The following CLDN16 variants were observed in gnomAD, a reference collection of about 807,000 sequenced individuals.
The protein encoded by CLDN16 is claudin-16.
CLDN16 carries 13 observed loss-of-function variants against 24.6 expected under a neutral mutation model. The observed-to-expected ratio is 0.53, with a 90% CI of 0.34 to 0.84. The LOEUF is 0.84. Ranked by LOEUF, CLDN16 falls within the 40% of genes least tolerant of loss-of-function variation. CLDN16 has a pLI of 0.01. For synonymous variants in CLDN16, 116 were observed against 106.7 expected (o/e 1.09, Z -0.54); for missense variants, 298 against 292.7 (o/e 1.02, Z -0.13).
At chr3:190,380,359 T>A (rs1349827277) in intron 3 of CLDN16, among the ~76,000 whole-genome samples, 1 of 152,032 alleles carries the variant, frequency 6.6e-6, no homozygotes, top group African/African-American at 2.4e-5. Flanking sequence ...ACTATCCAGT[T>A]ACTGATTCTA....
chr3:190,387,342 A>G (rs1718527904), upstream of CLDN16, among the ~76,000 whole-genome samples: 1 of 144,418 alleles, frequency 6.9e-6, no homozygotes, highest in Non-Finnish European at 1.5e-5. Context: ...AAAGAAACAC[A>G]CTTTCTTCCT....
intron 1 of CLDN16, among the ~76,000 whole-genome samples, chr3:190,345,844 C>T (rs1158842767): frequency 2.0e-5 from 3 of 152,138 alleles, no homozygotes; most frequent in African/African-American, 7.2e-5. Context: ...CTCCTTTAAA[C>T]TAACAACTGT....
At chr3:190,349,577 G>T (rs1717627816) in intron 1 of CLDN16, among the ~76,000 whole-genome samples, 1 of 152,132 alleles carries the variant, frequency 6.6e-6, no homozygotes, top group African/African-American at 2.4e-5. Flanking sequence ...TTTTCTGTGT[G>T]ACTTCACTGT....
chr3:190,358,672 A>AAC (rs1560086983), intron 1 of CLDN16, among the ~76,000 whole-genome samples: 2 of 151,162 alleles, frequency 1.3e-5, no homozygotes, highest in East Asian at 1.9e-4. Context: ...AAATTAAAAA[A>AAC]AACAACAAGT....
At chr3:190,305,880 A>C in the CLDN16 span, 3 of 152,206 alleles carry the variant, frequency 2.0e-5, no homozygotes, top group Non-Finnish European at 4.4e-5. Context: ...TGGGCCATAA[A>C]ATTTTTTTGT....
At chr3:190,392,228 C>T (rs1718697755) in intron 1 of CLDN16, among the ~76,000 whole-genome samples, 1 of 151,976 alleles carries the variant, frequency 6.6e-6, no homozygotes. Context: ...TCCCTTCCTT[C>T]ATTCCAACTT....
chr3:190,322,584 G>C (rs1467893488), exon 1 of CLDN16: 1 of 309,988 alleles, frequency 3.2e-6, no homozygotes, highest in Non-Finnish European at 6.1e-6. Context: ...CGCGGCTGGC[G>C]GCGTGGGGAC....
rs775073665 is a variant in CLDN16 at position 190,388,410 on chromosome 3, C to T, written c.81C>T (p.Asp27=). Residue 27 remains aspartate (D), a synonymous_variant, in exon 1 of 5, where the codon GAC becomes GAT. Transcript: ENST00000264734. ...AGFLIVATWT[D]CWMVNADDSL... ...TTTTGATTGTGGCCACCTGGACTGA[C>T]TGTTGGATGGTGAATGCTGATGACT... 10 of 1,613,894 alleles carry T rather than the reference C, an allele frequency of 6.2e-6. No homozygotes were observed. The African/African-American group carries it at 9.3e-5, about 15-fold the overall frequency.
chr3:190,299,150 C>A, the CLDN16 span, among the ~76,000 whole-genome samples: 1 of 152,112 alleles, frequency 6.6e-6, no homozygotes, highest in South Asian at 2.1e-4. Flanking sequence ...TTTAAAATTA[C>A]ATTTTTCATT....
chr3:190,350,874 C>T (rs185216218), intron 1 of CLDN16, among the ~76,000 whole-genome samples: 9 of 152,272 alleles, frequency 5.9e-5, no homozygotes, highest in African/African-American at 1.7e-4. Flanking sequence ...TATAGACAAT[C>T]TTTCCTCGCA....
At chr3:190,332,596 A>C (rs951586914) in intron 1 of CLDN16, among the ~76,000 whole-genome samples, 1 of 152,314 alleles carries the variant, frequency 6.6e-6, no homozygotes, top group African/African-American at 2.4e-5. Context: ...AATTATCTCT[A>C]AGGTCTCCTC....
chr3:190,377,351 T>C (rs905255003), intron 3 of CLDN16, among the ~76,000 whole-genome samples: 1 of 151,860 alleles, frequency 6.6e-6, no homozygotes, highest in Non-Finnish European at 1.5e-5. Flanking sequence ...TTCACTTCTG[T>C]TTAAGTTCTT....
chr3:190,304,294 G>A, the CLDN16 span, among the ~76,000 whole-genome samples: 1 of 152,156 alleles, frequency 6.6e-6, no homozygotes, highest in African/African-American at 2.4e-5. Flanking sequence ...CGAGTGCTAT[G>A]TTTCAAGTTT....
chr3:190,308,918 T>C, the CLDN16 span, among the ~76,000 whole-genome samples: 1 of 152,142 alleles, frequency 6.6e-6, no homozygotes, highest in Non-Finnish European at 1.5e-5. Context: ...ATCTTATGGT[T>C]TTGTAAAGAA....
intron 1 of CLDN16, 124 bp from the exon 2 acceptor site, chr3:190,402,213 T>G: frequency 1.3e-6 from 1 of 770,156 alleles, no homozygotes; most frequent in South Asian, 1.4e-5. Context: ...TAAATGAAGT[T>G]CTGATCACAT....
At chr3:190,299,371 ATTC>A in the CLDN16 span, among the ~76,000 whole-genome samples, 4 of 152,026 alleles carry the variant, frequency 2.6e-5, no homozygotes, top group Non-Finnish European at 4.4e-5. Context: ...TGTGGTGGTT[ATTC>A]TTCCTAATTT....
upstream of CLDN16, among the ~76,000 whole-genome samples, chr3:190,319,608 A>G (rs1442447850): frequency 1.3e-5 from 2 of 152,240 alleles, no homozygotes; most frequent in African/African-American, 4.8e-5. Flanking sequence ...AAAGCCCTGC[A>G]TCTGGCCGGG....
At chr3:190,308,331 T>A in the CLDN16 span, 1 of 1,613,792 alleles carries the variant, frequency 6.2e-7, no homozygotes, top group Non-Finnish European at 8.5e-7. Context: ...GCCTTGGTGT[T>A]GGGTAAGAGG....
chr3:190,322,221 C>T (rs1443525483), upstream of CLDN16: 11 of 1,611,928 alleles, frequency 6.8e-6, no homozygotes, highest in Non-Finnish European at 9.3e-6. Flanking sequence ...CGCTCGGGCG[C>T]CCGCGCTGGC....
Sources: gnomAD v4.1 joint callset for allele counts (sites outside exome capture counted in the v4.1 genomes callset) on GRCh38, gnomAD v4.1.1 for gene constraint, MANE v1.5 for transcripts, NCBI Gene and HGNC (gene_info 2026-07-23, HGNC 2026-07-21) for gene names.